The following KCTD7 variants were observed in gnomAD, a reference collection of about 807,000 sequenced individuals.
KCTD7 encodes potassium channel tetramerization domain containing 7, also known as BTB/POZ domain-containing protein KCTD7.
KCTD7 carries 15 observed loss-of-function variants against 27.0 expected under a neutral mutation model. The ratio of observed to expected loss-of-function variants is 0.56; its 90% confidence interval spans 0.37 to 0.86. KCTD7 has a LOEUF of 0.86. KCTD7 is among the 40% of genes least tolerant of loss of function. The pLI, the probability that KCTD7 is intolerant of heterozygous loss-of-function variation, is 0.00. For synonymous variants in KCTD7, 159 were observed against 162.7 expected (o/e 0.98, Z 0.17); for missense variants, 299 against 398.9 (o/e 0.75, Z 2.13).
chr7:66,643,185 CCT>C, downstream of KCTD7: 1 of 985,338 alleles, frequency 1.0e-6, no homozygotes, highest in Non-Finnish European at 1.2e-6. Context: ...CAGGCTTTTC[CCT>C]GAGACCAGCA....
chr7:66,640,846 A>AATAG lies in KCTD7; in HGVS notation c.*1617_*1618insGATA. On this transcript the variant is annotated 3_prime_UTR_variant, in exon 4 of 4. Transcript: ENST00000639828. ...ACACCATCGTAAAAATAAATAAATA[A>AATAG]ATAAATAAATTGGGGAGGACAGCCT... The AATAG allele has an allele frequency of 2.0e-6, 2 of 982,610 alleles. No individual in the cohort carries two copies. Among genetic ancestry groups the AATAG allele is most frequent in the Non-Finnish European group, 2.4e-6 (2 of 827,024 alleles). The allele number at this position is 982,610 out of a possible 1,614,324, so 60.9% of individuals were successfully genotyped here. A position where few individuals can be genotyped will look rare whatever the true frequency, so the allele number is the denominator to read the frequency against.
intron 1 of KCTD7, among the ~76,000 whole-genome samples, chr7:66,631,775 T>G (rs1007948611): frequency 1.3e-5 from 2 of 152,136 alleles, no homozygotes; most frequent in African/African-American, 4.8e-5. Context: ...ACCATCATTT[T>G]CATGTTCCTC....
chr7:66,638,619 C>A, intron 3 of KCTD7, 188 bp downstream of exon 3: 1 of 789,210 alleles, frequency 1.3e-6, no homozygotes, highest in Non-Finnish European at 2.0e-6. Flanking sequence ...TGGCCTATGA[C>A]AGTTAGCAAA....
In KCTD7 at chr7:66,641,184, G is replaced by A; in HGVS notation, c.*1952G>A. ...TACACAAAGGGATAGTCTCTTTTCT[G>A]GAGCTGATGTCCCTGCTTGGAGGTT... On this transcript the variant is annotated 3_prime_UTR_variant, in exon 4 of 4. Coordinates refer to ENST00000639828, the MANE Select transcript of KCTD7 (RefSeq NM_153033.5). The A allele has an allele frequency of 1.0e-6, 1 of 985,372 alleles. No homozygotes were observed. Among genetic ancestry groups the A allele is most frequent in the Non-Finnish European group, 1.2e-6 (1 of 829,908 alleles). 61.0% of individuals were successfully genotyped at this position (985,372 alleles called of 1,614,324 possible). A position where few individuals can be genotyped will look rare whatever the true frequency, so the allele number is the denominator to read the frequency against.
downstream of KCTD7, chr7:66,643,223 G>T (rs147205609): frequency 4.1e-6 from 4 of 985,006 alleles, no homozygotes; most frequent in African/African-American, 5.2e-5. Flanking sequence ...TGAAAGGGAG[G>T]TGGGCCTCTT....
At position 66,640,228 on chromosome 7, in the gene KCTD7, A is replaced by G; in HGVS notation, c.*996A>G. ...AGGAGAGCCTCTCTTCTGAGAAGGT[A>G]AAGGAAGGGCTGGGTGAGACACACA... is the stretch of plus-strand genomic sequence containing the variant. On this transcript the variant is annotated 3_prime_UTR_variant, in exon 4 of 4. Coordinates refer to ENST00000639828, the MANE Select transcript of KCTD7 (RefSeq NM_153033.5). 6.8e-7 allele frequency: 1 copy of G among 1,461,866 alleles called. No homozygotes were observed. The allele number at this position is 1,461,866 out of a possible 1,614,324, so 90.6% of individuals were successfully genotyped here. A position where few individuals can be genotyped will look rare whatever the true frequency, so the allele number is the denominator to read the frequency against.
At position 66,639,441 on chromosome 7, in the gene KCTD7, G is replaced by A; in HGVS notation, c.*209G>A. On this transcript the variant is annotated 3_prime_UTR_variant, in exon 4 of 4. Transcript: ENST00000639828. ...TGGGCTCAGGGCTTGCGGCCTGCAG[G>A]CACTCCAGCCAGCGCTCACCTGGCC... 1.4e-6 allele frequency: 2 copies of A among 1,461,674 alleles called. No individual in the cohort carries two copies. Among genetic ancestry groups the A allele is most frequent in the Non-Finnish European group, 1.8e-6 (2 of 1,108,384 alleles). The allele number at this position is 1,461,674 out of a possible 1,614,324, so 90.5% of individuals were successfully genotyped here. A position where few individuals can be genotyped will look rare whatever the true frequency, so the allele number is the denominator to read the frequency against.
intron 1 of KCTD7, among the ~76,000 whole-genome samples, chr7:66,632,272 G>C (rs191188345): frequency 6.6e-6 from 1 of 151,950 alleles, no homozygotes; most frequent in African/African-American, 2.4e-5. Flanking sequence ...CGGATCATGA[G>C]GTCAGGAGAT....
chr7:66,642,562 C>T lies in KCTD7; in HGVS notation c.*3330C>T, dbSNP rs757187145. 9.1e-6 allele frequency: 9 copies of T among 985,278 alleles called. No homozygotes were observed. The South Asian group carries it at 1.4e-4, about 15-fold the overall frequency. The allele number at this position is 985,278 out of a possible 1,614,324, so 61.0% of individuals were successfully genotyped here. Reference sequence around the variant, plus strand: ...CAAAACAAAAACTACTGATGCTGAGCGTTTTGATCCTAGTAATATTTCAAA... The same window carrying T: ...CAAAACAAAAACTACTGATGCTGAGTGTTTTGATCCTAGTAATATTTCAAA... On this transcript the variant is annotated 3_prime_UTR_variant, in exon 4 of 4. Transcript: ENST00000639828.
Position 66,633,380 on chromosome 7 carries a change from C to T in KCTD7, c.250C>T (p.Arg84Trp), listed in dbSNP as rs754476100. ...CATGTTGGCAGCCATGTTCAGTGGG[C>T]GGCACTACATCCCCACGGACTCCGA... ...DTMLAAMFSG[R>W]HYIPTDSEGR... is the part of the protein sequence containing the mutation. Residue 84 changes from arginine (R) to tryptophan (W), a missense_variant, in exon 2 of 4, where the codon CGG becomes TGG. Arg to Trp is a moderately radical substitution (Grantham distance 101). Transcript: ENST00000639828. 5.0e-6 allele frequency: 8 copies of T among 1,614,020 alleles called. No individual in the cohort carries two copies. Among genetic ancestry groups the T allele is most frequent in the Admixed American group, 3.3e-5 (2 of 59,998 alleles).
rs2116777249 is a variant in KCTD7, at chr7:66,639,932, T to C, written c.*700T>C. 1.0e-5 allele frequency: 13 copies of C among 1,246,760 alleles called. No individual in the cohort carries two copies. The highest frequency in any genetic ancestry group is 1.2e-5 in the Non-Finnish European group (12 of 997,320). 77.2% of individuals were successfully genotyped at this position (1,246,760 alleles called of 1,614,324 possible). ...CCCTGTCTTAGGGCCGCGGCTTCTC[T>C]TATCTTCCACCACCTTCCTTGCTTG... On this transcript the variant is annotated 3_prime_UTR_variant, in exon 4 of 4. Transcript: ENST00000639828.
rs1330430285 is a variant in KCTD7, at chr7:66,640,018, C to G, written c.*786C>G. On this transcript the variant is annotated 3_prime_UTR_variant, in exon 4 of 4. Coordinates refer to ENST00000639828, the MANE Select transcript of KCTD7 (RefSeq NM_153033.5). ...TCAGAGGCTTCTTTTGAAGATTCCCCAAGTCAAGCAGGCAAGATGCCTAGA... is the reference window on the plus strand; with the variant it reads ...TCAGAGGCTTCTTTTGAAGATTCCCGAAGTCAAGCAGGCAAGATGCCTAGA... The G allele has an allele frequency of 1.0e-5, 13 of 1,255,400 alleles. No individual in the cohort carries two copies. Among genetic ancestry groups the G allele is most frequent in the Non-Finnish European group, 1.3e-5 (13 of 1,003,236 alleles). 77.8% of individuals were successfully genotyped at this position (1,255,400 alleles called of 1,614,324 possible).
In KCTD7 at chr7:66,629,063, G is replaced by A. The variant is rs1403556530; in HGVS notation, c.-2G>A. On this transcript the variant is annotated 5_prime_UTR_variant, in exon 1 of 4. Coordinates refer to ENST00000639828, the MANE Select transcript of KCTD7 (RefSeq NM_153033.5). ...CCGCGCCCACTGCCCAGAGCCAGAG[G>A]GATGGTGGTAGTCACGGGGCGGGAG... The A allele has an allele frequency of 1.3e-6, 2 of 1,519,274 alleles. No individual in the cohort carries two copies. The highest frequency in any genetic ancestry group is 2.5e-5 in the South Asian group (2 of 81,162). 94.1% of individuals were successfully genotyped at this position (1,519,274 alleles called of 1,614,324 possible).
rs1427093720 is a variant in KCTD7 at position 66,640,539 on chromosome 7, T to C, written c.*1307T>C. Reference sequence around the variant, plus strand: ...CATTGATCACAATGTAACATTTCCATGCTGCATTAAGGGTGTCTCTCTCTA... The same window carrying C: ...CATTGATCACAATGTAACATTTCCACGCTGCATTAAGGGTGTCTCTCTCTA... On this transcript the variant is annotated 3_prime_UTR_variant, in exon 4 of 4. Transcript: ENST00000639828. 6 of 1,490,690 alleles carry C rather than the reference T, an allele frequency of 4.0e-6. No individual in the cohort carries two copies. In the Admixed American group the frequency reaches 1.1e-4, roughly 28 times the overall value. 92.3% of individuals were successfully genotyped at this position (1,490,690 alleles called of 1,614,324 possible).
At chr7:66,633,466 C>G in intron 2 of KCTD7, 22 bp downstream of exon 2, 1 of 1,612,274 alleles carries the variant, frequency 6.2e-7, no homozygotes, top group Non-Finnish European at 8.5e-7. Context: ...CCTCTACAAT[C>G]AACTTTGTAG....
chr7:66,631,616 G>A (rs1421016034), intron 1 of KCTD7, among the ~76,000 whole-genome samples: 1 of 151,752 alleles, frequency 6.6e-6, no homozygotes, highest in African/African-American at 2.4e-5. Flanking sequence ...AATTGATCTG[G>A]AGGAAGTTTG....
At chr7:66,634,548 A>G (rs1332817284) in intron 2 of KCTD7, among the ~76,000 whole-genome samples, 6 of 152,128 alleles carry the variant, frequency 3.9e-5, no homozygotes, top group East Asian at 1.9e-4. Context: ...GTCCTATGCA[A>G]TATGAGACCA....
At position 66,640,368 on chromosome 7, in the gene KCTD7, T is replaced by C; in HGVS notation, c.*1136T>C. ...GTTTTACTCCTCACTCCTGTATATTTTGGTTTACTTACTCCTCTATTTCAG... is the reference window on the plus strand; with the variant it reads ...GTTTTACTCCTCACTCCTGTATATTCTGGTTTACTTACTCCTCTATTTCAG... On this transcript the variant is annotated 3_prime_UTR_variant, in exon 4 of 4. Coordinates refer to ENST00000639828, the MANE Select transcript of KCTD7 (RefSeq NM_153033.5). The C allele has an allele frequency of 1.3e-6, 2 of 1,537,200 alleles. No individual in the cohort carries two copies. Among genetic ancestry groups the C allele is most frequent in the East Asian group, 4.9e-5 (2 of 40,918 alleles).
downstream of KCTD7, chr7:66,643,066 C>CT: frequency 1.0e-6 from 1 of 985,400 alleles, no homozygotes; most frequent in Non-Finnish European, 1.2e-6. Context: ...CTGTGCCTTT[C>CT]TTTTTTAGAG....
Sources: allele counts gnomAD v4.1 joint callset (sites outside exome capture counted in the v4.1 genomes callset), GRCh38; gene constraint gnomAD v4.1.1; transcripts MANE v1.5; gene names NCBI Gene and HGNC (gene_info 2026-07-23, HGNC 2026-07-21).